The following GLDC variants were observed in gnomAD, a reference collection of about 807,000 sequenced individuals.
GLDC encodes glycine decarboxylase, also known as glycine dehydrogenase (decarboxylating), mitochondrial.
In GLDC, 104 loss-of-function variants were observed where a neutral mutation model predicts 121.3. The observed-to-expected ratio is 0.86, with a 90% CI of 0.73 to 1.01. The LOEUF is 1.01. Ranked by LOEUF, GLDC falls within the 50% of genes least tolerant of loss-of-function variation. The probability of loss-of-function intolerance (pLI) is 0.00; values close to 1 mark genes in which losing one functional copy is unlikely to be tolerated. For synonymous variants in GLDC, 546 were observed against 480.6 expected (o/e 1.14, Z -1.78); for missense variants, 1,429 against 1,306.6 (o/e 1.09, Z -1.44).
At chr9:6,631,081 T>C (rs1224139528) in intron 2 of GLDC, among the ~76,000 whole-genome samples, 1 of 152,334 alleles carries the variant, frequency 6.6e-6, no homozygotes, top group Middle Eastern at 3.4e-3. Flanking sequence ...CCAGCAGAGC[T>C]GTGCCACGTG....
At chr9:6,615,439 T>A (rs1055828172) in intron 3 of GLDC, among the ~76,000 whole-genome samples, 3 of 144,414 alleles carry the variant, frequency 2.1e-5, no homozygotes, top group Admixed American at 6.9e-5. Flanking sequence ...AAAAAAAAAA[T>A]TAGCCTGGCG....
intron 2 of GLDC, among the ~76,000 whole-genome samples, chr9:6,640,284 AAT>A (rs1010931407): frequency 9.2e-5 from 14 of 152,376 alleles, no homozygotes; most frequent in African/African-American, 3.4e-4. Flanking sequence ...ATAAGCTGGG[AAT>A]TGAATGAGTC....
chr9:6,568,461 G>C lies in GLDC; in HGVS notation c.1851-3032C>G, dbSNP rs77908417. Among the ~76,000 whole-genome samples the C allele has an allele frequency of 6.6e-3, 1,002 of 152,308 alleles. 32 individuals carry two copies. The East Asian group carries it at 0.076, about 12-fold the overall frequency. On this transcript the variant is annotated intron_variant, in intron 15 of 24. Coordinates refer to ENST00000321612, the MANE Select transcript of GLDC (RefSeq NM_000170.3). ...TCTGACATCTGTTTAAAATGAAGTA[G>C]TGAATGGTCTGGAGCTGCAGGGCTG...
intron 3 of GLDC, among the ~76,000 whole-genome samples, chr9:6,619,844 G>A (rs1247958936): frequency 6.6e-6 from 1 of 152,164 alleles, no homozygotes; most frequent in African/African-American, 2.4e-5. Context: ...GGGTCTCCAA[G>A]GAGGAGTAAA....
At chr9:6,585,542 C>A (rs887085453) in intron 15 of GLDC, among the ~76,000 whole-genome samples, 1 of 151,964 alleles carries the variant, frequency 6.6e-6, no homozygotes, top group Admixed American at 6.6e-5. Flanking sequence ...TTGCCACATA[C>A]CCTCTTCCCA....
At chr9:6,566,814 A>C (rs1344023967) in intron 15 of GLDC, among the ~76,000 whole-genome samples, 1 of 152,252 alleles carries the variant, frequency 6.6e-6, no homozygotes, top group Non-Finnish European at 1.5e-5. Flanking sequence ...AAAATAAAAT[A>C]ACTTTTTTTA....
At chr9:6,638,811 C>T (rs979285485) in intron 2 of GLDC, among the ~76,000 whole-genome samples, 2 of 151,998 alleles carry the variant, frequency 1.3e-5, no homozygotes, top group Admixed American at 1.3e-4. Flanking sequence ...GAGTTTGAGA[C>T]CAGCCTGACC....
chr9:6,596,229 C>T (rs1033960876), intron 8 of GLDC, among the ~76,000 whole-genome samples: 1 of 152,172 alleles, frequency 6.6e-6, no homozygotes, highest in Admixed American at 6.5e-5. Flanking sequence ...CAGCCTCCAC[C>T]ACAATATTGT....
At position 6,604,710 on chromosome 9, in the gene GLDC, G is replaced by T; in HGVS notation, c.936C>A (p.Ile312=). 5 of 1,613,982 alleles carry T rather than the reference G, an allele frequency of 3.1e-6. No homozygotes were observed. The highest frequency in any genetic ancestry group is 2.2e-5 in the South Asian group (2 of 91,078). Residue 312 remains isoleucine (I), a synonymous_variant, in exon 7 of 25, where the codon ATC becomes ATA. Coordinates refer to ENST00000321612, the MANE Select transcript of GLDC (RefSeq NM_000170.3). ...LRPPGEFGVD[I]ALGSSQRFGV... The stretch of plus-strand genomic sequence containing the variant: ...CAAATCTCTGGGAGCTGCCCAGGGC[G>T]ATGTCTACCCCAAATTCTCCAGGTG...
chr9:6,625,674 G>A (rs549786316), intron 2 of GLDC, among the ~76,000 whole-genome samples: 6 of 152,142 alleles, frequency 3.9e-5, no homozygotes, highest in Admixed American at 6.5e-5. Context: ...GTGCTCAAAT[G>A]TGTTGTTTTG....
chr9:6,594,803 AAAAGAAAGAAAGAAAG>A (rs78626191), intron 9 of GLDC, among the ~76,000 whole-genome samples, 195 bp downstream of exon 9: 2 of 149,910 alleles, frequency 1.3e-5, no homozygotes, highest in South Asian at 2.1e-4. Flanking sequence ...AAAAGGAAAT[AAAAGAAAGAAAGAAAG>A]AAAGAAAGAA....
At chr9:6,639,335 C>T (rs1251098515) in intron 2 of GLDC, 4 of 933,852 alleles carry the variant, frequency 4.3e-6, no homozygotes, top group Admixed American at 3.4e-5. Flanking sequence ...CGGAAGAGCG[C>T]CCCCAGGAGA....
intron 3 of GLDC, among the ~76,000 whole-genome samples, chr9:6,616,630 T>G (rs1818972095): frequency 6.6e-6 from 1 of 152,202 alleles, no homozygotes; most frequent in African/African-American, 2.4e-5. Flanking sequence ...AACATAGTGA[T>G]TAAGAAAACA....
chr9:6,626,336 G>A lies in GLDC; in HGVS notation c.335-6017C>T, dbSNP rs73639333. On this transcript the variant is annotated intron_variant, in intron 2 of 24. Transcript: ENST00000321612. ...CCAGTCCTGACAATTAGCTCCAGGA[G>A]ACCAGTCAAGAAGCGCAATTGACTA... Among the ~76,000 whole-genome samples, 468 of 152,304 alleles carry A rather than the reference G, an allele frequency of 3.1e-3. 3 individuals are homozygous for A. Among genetic ancestry groups the A allele is most frequent in the African/African-American group, 0.011 (444 of 41,574 alleles).
Position 6,546,530 on chromosome 9 carries a change from G to A in GLDC, c.2569+4273C>T, listed in dbSNP as rs1242495719. On this transcript the variant is annotated intron_variant, in intron 21 of 24. Transcript: ENST00000321612. Reference sequence around the variant, plus strand: ...TCCGACATCTTGTCCTCTGGAAGGTGTTCAGGGACAGTAACACACACGGAG... The same window carrying A: ...TCCGACATCTTGTCCTCTGGAAGGTATTCAGGGACAGTAACACACACGGAG... Among the ~76,000 whole-genome samples, 8 of 152,060 alleles carry A rather than the reference G, an allele frequency of 5.3e-5. No individual in the cohort carries two copies. In the East Asian group the frequency reaches 1.2e-3, roughly 22 times the overall value.
intron 21 of GLDC, among the ~76,000 whole-genome samples, chr9:6,546,696 T>C (rs966594199): frequency 2.0e-5 from 3 of 151,934 alleles, no homozygotes; most frequent in African/African-American, 4.8e-5. Context: ...ACGCAGTGGC[T>C]CACGCCTGTA....
chr9:6,637,482 T>C lies in GLDC; in HGVS notation c.334+7132A>G, dbSNP rs112801997. 4.3e-3 allele frequency among the ~76,000 whole-genome samples: 657 copies of C among 152,192 alleles called. 6 individuals are homozygous for C. The highest frequency in any genetic ancestry group is 0.015 in the African/African-American group (632 of 41,528). On this transcript the variant is annotated intron_variant, in intron 2 of 24. Transcript: ENST00000321612. ...TGTCTTGTTTTTTGAGATGAAGTCATTCTGTCGCCCAGGCTGGTGTGCAGT... is the reference window on the plus strand; with the variant it reads ...TGTCTTGTTTTTTGAGATGAAGTCACTCTGTCGCCCAGGCTGGTGTGCAGT...
At chr9:6,611,461 C>T (rs3925456) in intron 3 of GLDC, among the ~76,000 whole-genome samples, 45,068 of 151,706 alleles carry the variant, frequency 0.3, 7,120 homozygotes, top group South Asian at 0.42. Flanking sequence ...GAGGCTGAGG[C>T]AGGAGAATCG....
chr9:6,591,938 T>C (rs758715634), intron 11 of GLDC: 43 of 518,588 alleles, frequency 8.3e-5, no homozygotes, highest in Non-Finnish European at 1.3e-4. Context: ...CCAACTAGCC[T>C]GGGTGCATAA....
Sources: allele counts gnomAD v4.1 joint callset (sites outside exome capture counted in the v4.1 genomes callset), GRCh38; gene constraint gnomAD v4.1.1; transcripts MANE v1.5; gene names NCBI Gene and HGNC (gene_info 2026-07-23, HGNC 2026-07-21).